TPM2: variants seen among roughly 807,000 people sequenced by gnomAD.
TPM2 encodes tropomyosin 2, also known as tropomyosin beta chain.
Under a neutral mutation model 41.0 loss-of-function variants are expected in TPM2, and 26 were observed. That is an observed-to-expected ratio of 0.63 (90% confidence interval 0.46 to 0.88). The LOEUF (loss-of-function observed/expected upper bound fraction) is 0.88. TPM2 is among the 40% of genes least tolerant of loss of function. TPM2 has a pLI of 0.00. For missense variants in TPM2, 187 were observed against 355.2 expected (o/e 0.53, Z 3.81); for synonymous variants, 143 against 139.3 (o/e 1.03, Z -0.19).
rs778179371 is a variant in TPM2, at chr9:35,685,113, A to C, written c.563+156T>G. 19 of 1,614,114 alleles carry C rather than the reference A, an allele frequency of 1.2e-5. No homozygotes were observed. In the South Asian group the frequency reaches 2.0e-4, roughly 17 times the overall value. On this transcript the variant is annotated intron_variant, in intron 5 of 8. Transcript: ENST00000645482. This position sits in a 1 kb window ranked among gnomAD's most constrained non-coding sequence, Gnocchi z 5.0. ...CTTGAGGGCCTGGTCCATGGTTCGA[A>C]GTTCCTCCTCCAGCTGTCTGGCTCG...
chr9:35,684,210 G>C, intron 8 of TPM2, 36 bp downstream of exon 8: 1 of 1,596,144 alleles, frequency 6.3e-7, no homozygotes, highest in South Asian at 1.1e-5. Flanking sequence ...TGATAATCAC[G>C]GCAGGTGTGG....
downstream of TPM2, chr9:35,682,729 C>T (rs550132910): frequency 2.0e-5 from 26 of 1,316,056 alleles, no homozygotes; most frequent in East Asian, 5.3e-5. Context: ...TGGGGCCACA[C>T]GTGCCCACAT....
In TPM2 at chr9:35,685,752, C is replaced by CG; in HGVS notation, c.268dup (p.Arg90ProfsTer7). ...CTCCTCCTCAACCAGCTGAATGCGG[C>CG]GGTTCAGGGAGGCCACATCTGCCTC... On this transcript the variant is annotated frameshift_variant, in exon 3 of 9. Transcript: ENST00000645482. LOFTEE classifies it high-confidence loss of function. The surrounding 1 kb of genome is among the most constrained non-coding windows in gnomAD (Gnocchi z 5.0). The CG allele has an allele frequency of 6.2e-7, 1 of 1,614,196 alleles. No individual in the cohort carries two copies. The highest frequency in any genetic ancestry group is 8.5e-7 in the Non-Finnish European group (1 of 1,180,028).
At chr9:35,684,114 G>C (rs768926052) in intron 8 of TPM2, 132 bp downstream of exon 8, 2 of 845,464 alleles carry the variant, frequency 2.4e-6, no homozygotes, top group South Asian at 2.8e-5. Flanking sequence ...ATGGCCCACA[G>C]AGTTGGGGAG....
At position 35,685,802 on chromosome 9, in the gene TPM2, T is replaced by C. The variant is rs1252874506; in HGVS notation, c.241-22A>G. The C allele has an allele frequency of 1.9e-6, 3 of 1,613,818 alleles. No homozygotes were observed. The highest frequency in any genetic ancestry group is 2.5e-6 in the Non-Finnish European group (3 of 1,180,012). ...CAGCCTGTGGGTCAGAGGTCAGGGG[T>C]CAAAAAGGCCTTGTTAGCCTTGGAT... On this transcript the variant is annotated intron_variant, in intron 2 of 8. Transcript: ENST00000645482. The surrounding 1 kb of genome is among the most constrained non-coding windows in gnomAD (Gnocchi z 5.0).
In TPM2 at chr9:35,685,106, G is replaced by T. The variant is rs1824816296; in HGVS notation, c.563+163C>A. ...TCAGGGACTTGAGGGCCTGGTCCAT[G>T]GTTCGAAGTTCCTCCTCCAGCTGTC... is the stretch of plus-strand genomic sequence containing the variant. On this transcript the variant is annotated intron_variant, in intron 5 of 8. Coordinates refer to ENST00000645482, the MANE Select transcript of TPM2 (RefSeq NM_003289.4). This position sits in a 1 kb window ranked among gnomAD's most constrained non-coding sequence, Gnocchi z 5.0. 1.2e-6 allele frequency: 2 copies of T among 1,614,064 alleles called. No homozygotes were observed. The highest frequency in any genetic ancestry group is 2.7e-5 in the African/African-American group (2 of 74,916).
At position 35,685,927 on chromosome 9, in the gene TPM2, A is replaced by G. The variant is rs955207929; in HGVS notation, c.241-147T>C. On this transcript the variant is annotated intron_variant, in intron 2 of 8. Transcript: ENST00000645482. The surrounding 1 kb of genome is among the most constrained non-coding windows in gnomAD (Gnocchi z 5.0). ...CTATGTGATTTTTCCCCAACCAATCATCTTCTGCCCAGACTGTGCTCCAGT... is the reference window on the plus strand; with the variant it reads ...CTATGTGATTTTTCCCCAACCAATCGTCTTCTGCCCAGACTGTGCTCCAGT... 2 of 1,376,404 alleles carry G rather than the reference A, an allele frequency of 1.5e-6. No individual in the cohort carries two copies. The highest frequency in any genetic ancestry group is 2.9e-5 in the African/African-American group (2 of 69,596). The allele number at this position is 1,376,404 out of a possible 1,614,324, so 85.3% of individuals were successfully genotyped here.
chr9:35,683,189 G>C lies in TPM2; in HGVS notation c.825C>G (p.Asp275Glu). The change falls in exon 9 of 9, where the codon GAC becomes GAG. Residue 275 changes from aspartate to glutamate, a missense_variant. Physicochemically the swap from Asp to Glu is conservative, Grantham distance 45. Transcript: ENST00000645482. ...MKYKAISEEL[D>E]NALNDITSL ...GGGAGGTGATGTCATTGAGTGCGTTGTCCAGTTCCTCGCTAATGGCCTTGT... is the reference window on the plus strand; with the variant it reads ...GGGAGGTGATGTCATTGAGTGCGTTCTCCAGTTCCTCGCTAATGGCCTTGT... The C allele has an allele frequency of 6.4e-7, 1 of 1,553,778 alleles. No homozygotes were observed. Among genetic ancestry groups the C allele is most frequent in the Non-Finnish European group, 8.7e-7 (1 of 1,146,990 alleles).
In TPM2 at chr9:35,689,693, C is replaced by G; in HGVS notation, c.114+11G>C. The stretch of plus-strand genomic sequence containing the variant: ...GCGGGGAGAGCAGGCTGCACTGGGC[C>G]CGGCCCTAACCTGCTTGCAGCGGTC... On this transcript the variant is annotated intron_variant, in intron 1 of 8. Coordinates refer to ENST00000645482, the MANE Select transcript of TPM2 (RefSeq NM_003289.4). 2 of 1,612,650 alleles carry G rather than the reference C, an allele frequency of 1.2e-6. No individual in the cohort carries two copies. Among genetic ancestry groups the G allele is most frequent in the Non-Finnish European group, 1.7e-6 (2 of 1,179,714 alleles).
In TPM2 at chr9:35,685,227, C is replaced by A; in HGVS notation, c.563+42G>T. 1 of 1,614,176 alleles carries A rather than the reference C, an allele frequency of 6.2e-7. No homozygotes were observed. Among genetic ancestry groups the A allele is most frequent in the Non-Finnish European group, 8.5e-7 (1 of 1,180,008 alleles). On this transcript the variant is annotated intron_variant, in intron 5 of 8. Coordinates refer to ENST00000645482, the MANE Select transcript of TPM2 (RefSeq NM_003289.4). The surrounding 1 kb of genome is among the most constrained non-coding windows in gnomAD (Gnocchi z 5.0). ...CTACCTTCCCACTGTGTGGAAGGCC[C>A]CAGGGCCAATGGGCTCACTTGTCAC...
Position 35,685,227 on chromosome 9 carries a change from C to T in TPM2, c.563+42G>A, listed in dbSNP as rs1183888408. The T allele has an allele frequency of 6.2e-7, 1 of 1,614,176 alleles. No individual in the cohort carries two copies. The highest frequency in any genetic ancestry group is 1.1e-5 in the South Asian group (1 of 91,090). ...CTACCTTCCCACTGTGTGGAAGGCC[C>T]CAGGGCCAATGGGCTCACTTGTCAC... On this transcript the variant is annotated intron_variant, in intron 5 of 8. Transcript: ENST00000645482. This position sits in a 1 kb window ranked among gnomAD's most constrained non-coding sequence, Gnocchi z 5.0.
intron 8 of TPM2, among the ~76,000 whole-genome samples, chr9:35,683,739 G>C (rs1232468308): frequency 1.3e-5 from 2 of 152,216 alleles, no homozygotes; most frequent in Non-Finnish European, 2.9e-5. Flanking sequence ...CTGGATGTTT[G>C]CTTTTGTCAA....
rs1273123074 is a variant in TPM2 at position 35,687,826 on chromosome 9, GAT to G, written c.240+1318_240+1319del. Reference sequence around the variant, plus strand: ...GTCCTGGGGTCCTCATCATGGGACTGATATGTGCCATTTCCTGCCTCTCAAGC... The same window carrying G: ...GTCCTGGGGTCCTCATCATGGGACTGATGTGCCATTTCCTGCCTCTCAAGC... On this transcript the variant is annotated intron_variant, in intron 2 of 8. Transcript: ENST00000645482. Among the ~76,000 whole-genome samples the G allele has an allele frequency of 7.2e-5, 11 of 152,274 alleles. No individual in the cohort carries two copies. In the East Asian group the frequency reaches 2.1e-3, roughly 29 times the overall value.
chr9:35,685,750 G>A lies in TPM2; in HGVS notation c.271C>T (p.Arg91Cys). The change falls in exon 3 of 9, where the codon CGC becomes TGC. Residue 91 changes from arginine (R) to cysteine (C), a missense_variant. Transcript: ENST00000645482. This position sits in a 1 kb window ranked among gnomAD's most constrained non-coding sequence, Gnocchi z 5.0. ...AGCTCCTCCTCAACCAGCTGAATGCGGCGGTTCAGGGAGGCCACATCTGCC... is the reference window on the plus strand; with the variant it reads ...AGCTCCTCCTCAACCAGCTGAATGCAGCGGTTCAGGGAGGCCACATCTGCC... ...AEADVASLNR[R>C]IQLVEEELDR... is the part of the protein sequence containing the mutation. 2 of 1,614,188 alleles carry A rather than the reference G, an allele frequency of 1.2e-6. No individual in the cohort carries two copies. The highest frequency in any genetic ancestry group is 1.7e-6 in the Non-Finnish European group (2 of 1,180,022).
At chr9:35,689,348 C>A (rs1825119899) in intron 1 of TPM2, 77 bp from the exon 2 acceptor site, 2 of 1,590,776 alleles carry the variant, frequency 1.3e-6, no homozygotes, top group Non-Finnish European at 8.5e-7. Context: ...TGTGTAGGGG[C>A]GCTACTAAGA....
rs1824904418 is a variant in TPM2, at chr9:35,686,274, T to C, written c.241-494A>G. 11 of 246,762 alleles carry C rather than the reference T, an allele frequency of 4.5e-5. 1 individual carries two copies. The South Asian group carries it at 5.6e-4, about 13-fold the overall frequency. 15.3% of individuals were successfully genotyped at this position (246,762 alleles called of 1,614,324 possible). A position where few individuals can be genotyped will look rare whatever the true frequency, so the allele number is the denominator to read the frequency against. On this transcript the variant is annotated intron_variant, in intron 2 of 8. Coordinates refer to ENST00000645482, the MANE Select transcript of TPM2 (RefSeq NM_003289.4). ...TCAAAAAAACAAAAAAATACATGCA[T>C]TCCTTGCTTGACAAGCTCCGCTCCC... is the stretch of plus-strand genomic sequence containing the variant.
At chr9:35,689,625 G>A (rs980878257) in intron 1 of TPM2, 79 bp downstream of exon 1, 1 of 1,598,246 alleles carries the variant, frequency 6.3e-7, no homozygotes, top group Non-Finnish European at 8.5e-7. Flanking sequence ...GGGCAGGCCC[G>A]GGGCTGGGGG....
Position 35,689,891 on chromosome 9 carries a change from G to C in TPM2, c.-74C>G. 6.2e-7 allele frequency: 1 copy of C among 1,608,108 alleles called. No homozygotes were observed. The highest frequency in any genetic ancestry group is 8.5e-7 in the Non-Finnish European group (1 of 1,178,228). ...ACTGGGCTGGGTGAGCGGACTGGGT[G>C]CACCGGTGGCAGGCGAGGAGGACGG... On this transcript the variant is annotated 5_prime_UTR_variant, in exon 1 of 9. Transcript: ENST00000645482.
At chr9:35,689,013 T>G in intron 2 of TPM2, 133 bp downstream of exon 2, 1 of 1,088,978 alleles carries the variant, frequency 9.2e-7, no homozygotes, top group Non-Finnish European at 1.4e-6. Flanking sequence ...CCCTGGTTAC[T>G]GAGATGAAAC....
Sources: gnomAD v4.1 joint callset for allele counts (sites outside exome capture counted in the v4.1 genomes callset) on GRCh38, gnomAD v4.1.1 for gene constraint, Gnocchi (gnomAD v3.1) non-coding constraint, MANE v1.5 for transcripts, NCBI Gene and HGNC (gene_info 2026-07-23, HGNC 2026-07-21) for gene names.